The following ANKRD34B variants were observed in gnomAD, a reference collection of about 807,000 sequenced individuals.
ANKRD34B encodes ankyrin repeat domain 34B.
A neutral mutation model predicts 4.4 loss-of-function variants in ANKRD34B; 2 were observed. That is an observed-to-expected ratio of 0.46 (90% confidence interval 0.19 to 1.44). The LOEUF is 1.44. ANKRD34B is among the 40% of genes most tolerant of loss of function. The probability of loss-of-function intolerance (pLI) is 0.26; values close to 1 mark genes in which losing one functional copy is unlikely to be tolerated. For missense variants in ANKRD34B, 558 were observed against 604.7 expected (o/e 0.92, Z 0.81); for synonymous variants, 226 against 227.1 (o/e 0.99, Z 0.05).
Position 80,559,951 on chromosome 5 carries a change from A to T in ANKRD34B, c.69T>A (p.Leu23=), listed in dbSNP as rs1390557038. ...SLIKAVHQSR[L]RLTRLLLEGG... is the part of the protein sequence containing the mutation. ...CTTCTAGCAAAAGTCTTGTGAGGCGAAGCCGGCTCTGATGGACTGCTTTGA... is the reference window on the plus strand; with the variant it reads ...CTTCTAGCAAAAGTCTTGTGAGGCGTAGCCGGCTCTGATGGACTGCTTTGA... Residue 23 remains leucine (L), a synonymous_variant, in exon 5 of 5, where the codon CTT becomes CTA. Transcript: ENST00000338682. The T allele has an allele frequency of 1.2e-6, 2 of 1,613,820 alleles. No homozygotes were observed. The highest frequency in any genetic ancestry group is 1.7e-6 in the Non-Finnish European group (2 of 1,179,902).
In ANKRD34B at chr5:80,559,248, G is replaced by A. The variant is rs746701290; in HGVS notation, c.772C>T (p.Gln258Ter). Residue 258 changes from glutamine (Q) to a stop codon, truncating the protein, a stop_gained, in exon 5 of 5, where the codon CAG (glutamine) becomes TAG (stop). Transcript: ENST00000338682. LOFTEE classifies it low-confidence loss of function (END_TRUNC). The part of the protein sequence containing the change: ...WVKSPPLLMH[Q>*]NRVASLQEEL... ...TCTTGCAATGAAGCCACTCTGTTCTGGTGCATTAATAATGGGGGACTCTTG... is the reference window on the plus strand; with the variant it reads ...TCTTGCAATGAAGCCACTCTGTTCTAGTGCATTAATAATGGGGGACTCTTG... 17 of 1,614,132 alleles carry A rather than the reference G, an allele frequency of 1.1e-5. No individual in the cohort carries two copies. In the South Asian group the frequency reaches 1.3e-4, roughly 13 times the overall value.
chr5:80,561,175 A>T (rs747868869), intron 4 of ANKRD34B, among the ~76,000 whole-genome samples: 3 of 152,188 alleles, frequency 2.0e-5, no homozygotes, highest in Non-Finnish European at 2.9e-5. Flanking sequence ...TAAATATTTT[A>T]GATTTAGATT....
At chr5:80,560,788 T>G (rs1321066878) in intron 4 of ANKRD34B, among the ~76,000 whole-genome samples, 3 of 152,246 alleles carry the variant, frequency 2.0e-5, no homozygotes, top group Admixed American at 2.0e-4. Context: ...AGTATTACAT[T>G]ACTTAAACAT....
In ANKRD34B at chr5:80,559,197, C is replaced by T; in HGVS notation, c.823G>A (p.Glu275Lys). Residue 275 changes from glutamate (E) to lysine (K), a missense_variant, in exon 5 of 5, where the codon GAA becomes AAA. Coordinates refer to ENST00000338682, the MANE Select transcript of ANKRD34B (RefSeq NM_001004441.3). ...QEELQDITPE[E>K]ELSYKTNGLA... ...CCATTGGTTTTATAGGATAGTTCTT[C>T]CTCTGGTGTAATATCCTGGAGCTCC... 6.2e-7 allele frequency: 1 copy of T among 1,614,156 alleles called. No homozygotes were observed. Among genetic ancestry groups the T allele is most frequent in the Non-Finnish European group, 8.5e-7 (1 of 1,180,036 alleles).
intron 3 of ANKRD34B, among the ~76,000 whole-genome samples, chr5:80,565,701 G>A (rs16877903): frequency 1.5e-4 from 23 of 152,170 alleles, no homozygotes; most frequent in African/African-American, 5.1e-4. Flanking sequence ...TTTGTGAAAT[G>A]TTTATCATCT....
intron 3 of ANKRD34B, among the ~76,000 whole-genome samples, chr5:80,565,107 C>T (rs1746526442): frequency 6.6e-6 from 1 of 152,222 alleles, no homozygotes; most frequent in Non-Finnish European, 1.5e-5. Flanking sequence ...TCCAAATGTA[C>T]AATACATGTT....
Position 80,558,243 on chromosome 5 carries a change from A to G in ANKRD34B, c.*232T>C, listed in dbSNP as rs1043619585. The G allele has an allele frequency of 9.2e-6, 3 of 326,588 alleles. No homozygotes were observed. Among genetic ancestry groups the G allele is most frequent in the Non-Finnish European group, 1.7e-5 (3 of 180,950 alleles). The allele number at this position is 326,588 out of a possible 1,614,324, so 20.2% of individuals were successfully genotyped here. ...TACATGGAGATTGTTAAATATTAGA[A>G]GCATTGAGAAAAATCGCTTTCCTTT... On this transcript the variant is annotated 3_prime_UTR_variant, in exon 5 of 5. Coordinates refer to ENST00000338682, the MANE Select transcript of ANKRD34B (RefSeq NM_001004441.3).
chr5:80,562,923 C>G (rs1746447914), intron 4 of ANKRD34B, among the ~76,000 whole-genome samples: 1 of 151,070 alleles, frequency 6.6e-6, no homozygotes, highest in South Asian at 2.1e-4. Flanking sequence ...ACAAAAATGC[C>G]TCTTACATTA....
intron 4 of ANKRD34B, among the ~76,000 whole-genome samples, chr5:80,561,315 T>A (rs1746399230): frequency 6.6e-6 from 1 of 152,154 alleles, no homozygotes; most frequent in South Asian, 2.1e-4. Flanking sequence ...AATATTTACA[T>A]CTGTTTCATT....
At position 80,558,917 on chromosome 5, in the gene ANKRD34B, T is replaced by C; in HGVS notation, c.1103A>G (p.His368Arg). ...IVQKRNLGAN[H>R]YSSDSQLSAG... ...TGAGAGCTGGGAATCAGAGCTGTAG[T>C]GATTTGCCCCCAAGTTTCTTTTTTG... is the stretch of plus-strand genomic sequence containing the variant. The change falls in exon 5 of 5, where the codon CAC (histidine) becomes CGC (arginine). Residue 368 changes from histidine (H) to arginine (R), a missense_variant. Physicochemically the swap from His to Arg is conservative, Grantham distance 29. Coordinates refer to ENST00000338682, the MANE Select transcript of ANKRD34B (RefSeq NM_001004441.3). The C allele has an allele frequency of 6.2e-7, 1 of 1,614,216 alleles. No homozygotes were observed. The highest frequency in any genetic ancestry group is 8.5e-7 in the Non-Finnish European group (1 of 1,180,038).
rs753578611 is a variant in ANKRD34B at position 80,559,722 on chromosome 5, C to G, written c.298G>C (p.Val100Leu). The G allele has an allele frequency of 2.5e-6, 4 of 1,614,040 alleles. No individual in the cohort carries two copies. The highest frequency in any genetic ancestry group is 3.4e-6 in the Non-Finnish European group (4 of 1,180,024). Residue 100 changes from valine to leucine, a missense_variant, in exon 5 of 5, where the codon GTT becomes CTT. Physicochemically the swap from Val to Leu is conservative, Grantham distance 32. Transcript: ENST00000338682. ...HACLEKAGPE[V>L]VSLLLKSGAD... ...CCACTCTTGAGGAGCAAGGAAACAA[C>G]TTCAGGGCCAGCTTTTTCTAAGCAA...
intron 3 of ANKRD34B, among the ~76,000 whole-genome samples, chr5:80,565,576 T>C (rs995579437): frequency 1.3e-5 from 2 of 152,238 alleles, no homozygotes; most frequent in Non-Finnish European, 2.9e-5. Context: ...TCATAGAACG[T>C]GCATTCCATG....
intron 2 of ANKRD34B, among the ~76,000 whole-genome samples, chr5:80,567,427 C>G (rs945495342): frequency 4.0e-5 from 6 of 151,420 alleles, no homozygotes; most frequent in Non-Finnish European, 8.8e-5. Flanking sequence ...TTGAGACCAG[C>G]CTGGACAGCA....
intron 1 of ANKRD34B, among the ~76,000 whole-genome samples, chr5:80,569,870 G>T (rs1746704320): frequency 1.3e-5 from 2 of 152,228 alleles, no homozygotes; most frequent in African/African-American, 2.4e-5. Context: ...GGGTGAGCTC[G>T]CGTGGAGCGC....
intron 3 of ANKRD34B, among the ~76,000 whole-genome samples, chr5:80,565,899 C>T (rs774857439): frequency 5.9e-5 from 9 of 152,088 alleles, no homozygotes; most frequent in South Asian, 2.1e-4. Flanking sequence ...ACTATCATTT[C>T]GACATTATTA....
In ANKRD34B at chr5:80,559,608, G is replaced by C. The variant is rs768195352; in HGVS notation, c.412C>G (p.Leu138Val). The part of the protein sequence containing the change: ...SEDTETLKVL[L>V]SACKAKGKEV... ...TTCCCTTTTGCCTTGCAAGCACTAAGAAGAACTTTCAGGGTCTCTGTATCT... is the reference window on the plus strand; with the variant it reads ...TTCCCTTTTGCCTTGCAAGCACTAACAAGAACTTTCAGGGTCTCTGTATCT... The change falls in exon 5 of 5, where the codon CTT (leucine) becomes GTT (valine). Residue 138 changes from leucine (L) to valine (V), a missense_variant. Coordinates refer to ENST00000338682, the MANE Select transcript of ANKRD34B (RefSeq NM_001004441.3). 8.1e-6 allele frequency: 13 copies of C among 1,614,200 alleles called. No individual in the cohort carries two copies. Among genetic ancestry groups the C allele is most frequent in the Non-Finnish European group, 1.1e-5 (13 of 1,180,046 alleles).
In ANKRD34B at chr5:80,558,493, C is replaced by T; in HGVS notation, c.1527G>A (p.Lys509=). The change falls in exon 5 of 5, where the codon AAG becomes AAA. Residue 509 remains lysine (K), a synonymous_variant. Coordinates refer to ENST00000338682, the MANE Select transcript of ANKRD34B (RefSeq NM_001004441.3). ...CCATCTCCTAGAAGTTTACTAATTG[C>T]TTAATTTGTTCAGTTTGCAATGATT... ...RRQSLQTEQI[K]QLVNF is the part of the protein sequence containing the mutation. The T allele has an allele frequency of 1.2e-6, 2 of 1,609,024 alleles. No homozygotes were observed. The highest frequency in any genetic ancestry group is 1.7e-6 in the Non-Finnish European group (2 of 1,176,312).
chr5:80,566,645 T>C (rs1746576303), intron 3 of ANKRD34B, 44 bp downstream of exon 3: 1 of 152,604 alleles, frequency 6.6e-6, no homozygotes, highest in Non-Finnish European at 1.5e-5. Flanking sequence ...CATAACTGCA[T>C]TCACCCTTCC....
rs965096787 is a variant in ANKRD34B, at chr5:80,557,685, T to C, written c.*790A>G. 2.0e-5 allele frequency: 3 copies of C among 151,832 alleles called. No individual in the cohort carries two copies. Among genetic ancestry groups the C allele is most frequent in the South Asian group, 4.1e-4 (2 of 4,832 alleles). The allele number at this position is 151,832 out of a possible 1,614,324, so 9.4% of individuals were successfully genotyped here. ...ACTAATAACAGGAATTAAAAGATGATATGGAGAAAGAATAATTCCTTAAAA... is the reference window on the plus strand; with the variant it reads ...ACTAATAACAGGAATTAAAAGATGACATGGAGAAAGAATAATTCCTTAAAA... On this transcript the variant is annotated 3_prime_UTR_variant, in exon 5 of 5. Coordinates refer to ENST00000338682, the MANE Select transcript of ANKRD34B (RefSeq NM_001004441.3).
Sources: gnomAD v4.1 joint callset for allele counts (sites outside exome capture counted in the v4.1 genomes callset) on GRCh38, gnomAD v4.1.1 for gene constraint, MANE v1.5 for transcripts, NCBI Gene and HGNC (gene_info 2026-07-23, HGNC 2026-07-21) for gene names.